The following SH3TC1 variants were observed in gnomAD, a reference collection of about 807,000 sequenced individuals.
The protein encoded by SH3TC1 is SH3 domain and tetratricopeptide repeats 1, also known as SH3 domain and tetratricopeptide repeat-containing protein 1.
SH3TC1 carries 135 observed loss-of-function variants against 117.3 expected under a neutral mutation model. The observed-to-expected ratio is 1.15, with a 90% CI of 1.00 to 1.33. SH3TC1 has a LOEUF of 1.33. Ranked by LOEUF, SH3TC1 falls within the 40% of genes most tolerant of loss-of-function variation. The pLI, the probability that SH3TC1 is intolerant of heterozygous loss-of-function variation, is 0.00. For synonymous variants in SH3TC1, 898 were observed against 816.9 expected, an observed-to-expected ratio of 1.10 and a Z score of -1.69; for missense variants, 2,092 against 1,794.3, an observed-to-expected ratio of 1.17 and a Z score of -3.00.
intron 5 of SH3TC1, chr4:8,215,221 T>G (rs546169834): frequency 2.2e-5 from 10 of 456,296 alleles, no homozygotes; most frequent in Admixed American, 9.4e-5. Context: ...CCGGGAAAGC[T>G]GTTATTTGAA....
At chr4:8,231,174 T>G (rs1721170814) in intron 12 of SH3TC1, 1 of 152,284 alleles carries the variant, frequency 6.6e-6, no homozygotes, top group Non-Finnish European at 1.5e-5. Flanking sequence ...GAGTGTGTCA[T>G]TTCCACATAT....
intron 10 of SH3TC1, among the ~76,000 whole-genome samples, chr4:8,223,806 G>A (rs1720178456): frequency 6.6e-6 from 1 of 152,000 alleles, no homozygotes; most frequent in African/African-American, 2.4e-5. Flanking sequence ...GATTAGTTTT[G>A]CATTTTTTTA....
Position 8,190,921 on chromosome 4 carries a change from C to T in SH3TC1, c.-57+8711C>T, listed in dbSNP as rs1170146944. ...CCTCCTAAAGTGCTAGGATTACAGG[C>T]GTAATCCACTGCGCCCAGCCCTGGC... On this transcript the variant is annotated intron_variant, in intron 1 of 16. Transcript: ENST00000508641. The surrounding 1 kb of genome is among the most constrained non-coding windows in gnomAD (Gnocchi z 4.7). Among the ~76,000 whole-genome samples the T allele has an allele frequency of 1.3e-5, 2 of 149,542 alleles. No homozygotes were observed. Among genetic ancestry groups the T allele is most frequent in the Non-Finnish European group, 3.0e-5 (2 of 66,712 alleles).
intron 1 of SH3TC1, among the ~76,000 whole-genome samples, chr4:8,204,613 T>A (rs935136050): frequency 1.3e-5 from 2 of 152,218 alleles, no homozygotes; most frequent in Admixed American, 1.3e-4. Context: ...AGCGCCTCTG[T>A]CTGAGGCCGG....
chr4:8,240,647 G>T (rs1216382703), intron 17 of SH3TC1, 51 bp from the exon 18 acceptor site: 2 of 1,608,068 alleles, frequency 1.2e-6, no homozygotes, highest in African/African-American at 2.7e-5. Flanking sequence ...CGGCCTCTGG[G>T]GAGACTGGCT....
chr4:8,194,851 G>A (rs899075356), upstream of SH3TC1, among the ~76,000 whole-genome samples: 6 of 152,156 alleles, frequency 3.9e-5, no homozygotes, highest in African/African-American at 1.2e-4. Flanking sequence ...CTTGCTTCCC[G>A]GGGTTTCCGG....
chr4:8,196,200 C>A (rs56773912), upstream of SH3TC1, among the ~76,000 whole-genome samples: 26,731 of 152,198 alleles, frequency 0.18, 3,150 homozygotes, highest in African/African-American at 0.32. This position sits in a 1 kb window ranked among gnomAD's most constrained non-coding sequence, Gnocchi z 4.6. Flanking sequence ...GACTCAGGGC[C>A]TGGCCACAGA....
At chr4:8,238,285 C>T (rs932165605) in intron 17 of SH3TC1, among the ~76,000 whole-genome samples, 1 of 152,176 alleles carries the variant, frequency 6.6e-6, no homozygotes, top group Non-Finnish European at 1.5e-5. Context: ...GGGCCCCAGA[C>T]AGCCAGGCTG....
intron 1 of SH3TC1, among the ~76,000 whole-genome samples, chr4:8,189,335 G>A (rs561287063): frequency 6.6e-6 from 1 of 152,394 alleles, no homozygotes; most frequent in East Asian, 1.9e-4. Flanking sequence ...GACAGATGAT[G>A]GCCCCAGTCC....
rs552909860 is a variant in SH3TC1 at position 8,191,955 on chromosome 4, T to TTACA, written c.-57+9747_-57+9750dup. Among the ~76,000 whole-genome samples the TTACA allele has an allele frequency of 4.8e-3, 689 of 143,456 alleles. 3 individuals are homozygous for TTACA. Among genetic ancestry groups the TTACA allele is most frequent in the Non-Finnish European group, 5.8e-3 (384 of 66,764 alleles). The allele number at this position is 143,456 out of a possible 152,430, so 94.1% of individuals were successfully genotyped here. A position where few individuals can be genotyped will look rare whatever the true frequency, so the allele number is the denominator to read the frequency against. On this transcript the variant is annotated intron_variant, in intron 1 of 16. Transcript: ENST00000508641. Reference sequence around the variant, plus strand: ...CCAGGGGCAGGAGCTGATCTCTGAGTTACATTTATTTATTTATTTATTTAT... The same window carrying TTACA: ...CCAGGGGCAGGAGCTGATCTCTGAGTTACATACATTTATTTATTTATTTATTTAT...
chr4:8,235,492 G>A lies in SH3TC1; in HGVS notation c.3342G>A (p.Glu1114=). Residue 1114 remains glutamate, a synonymous_variant, in exon 15 of 18, where the codon GAG becomes GAA. Coordinates refer to ENST00000245105, the MANE Select transcript of SH3TC1 (RefSeq NM_018986.5). ...CCAACCTGGGGCTGGAGCTGTTTGA[G>A]GCGGCTGGAGACATCTTCTTCGACG... is the stretch of plus-strand genomic sequence containing the variant. ...GDPNLGLELF[E]AAGDIFFDGA... is the part of the protein sequence containing the mutation. 6.2e-7 allele frequency: 1 copy of A among 1,606,172 alleles called. No individual in the cohort carries two copies. Among genetic ancestry groups the A allele is most frequent in the Non-Finnish European group, 8.5e-7 (1 of 1,175,504 alleles).
At position 8,225,323 on chromosome 4, in the gene SH3TC1, C is replaced by A; in HGVS notation, c.1285+107C>A. On this transcript the variant is annotated intron_variant, in intron 11 of 17. Transcript: ENST00000245105. The surrounding 1 kb of genome is among the most constrained non-coding windows in gnomAD (Gnocchi z 5.5). ...CACGGTGGGCATTGGGTGCGGCTGT[C>A]ACCCCTCTGTGGTGTGGGCTGGGGG... 7.9e-7 allele frequency: 1 copy of A among 1,267,260 alleles called. No individual in the cohort carries two copies. The highest frequency in any genetic ancestry group is 1.3e-5 in the South Asian group (1 of 76,658). 78.5% of individuals were successfully genotyped at this position (1,267,260 alleles called of 1,614,324 possible).
Position 8,222,884 on chromosome 4 carries a change from T to C in SH3TC1, c.1157T>C (p.Phe386Ser). 1 of 1,613,798 alleles carries C rather than the reference T, an allele frequency of 6.2e-7. No homozygotes were observed. The highest frequency in any genetic ancestry group is 8.5e-7 in the Non-Finnish European group (1 of 1,179,894). Reference protein sequence around the residue: ...IFLNEEEKSFFSEGCFSEEDA... With the variant: ...IFLNEEEKSFSSEGCFSEEDA... ...CTCAATGAGGAAGAAAAGTCATTCTTCAGCGAGGGCTGCTTTTCTGAGGAG... is the reference window on the plus strand; with the variant it reads ...CTCAATGAGGAAGAAAAGTCATTCTCCAGCGAGGGCTGCTTTTCTGAGGAG... The change falls in exon 10 of 18, where the codon TTC becomes TCC. Residue 386 changes from phenylalanine (F) to serine (S), a missense_variant. Coordinates refer to ENST00000245105, the MANE Select transcript of SH3TC1 (RefSeq NM_018986.5).
At chr4:8,189,287 C>T (rs905103446) in intron 1 of SH3TC1, among the ~76,000 whole-genome samples, 4 of 152,240 alleles carry the variant, frequency 2.6e-5, no homozygotes, top group African/African-American at 7.2e-5. Context: ...TGGAGGAGCC[C>T]GCAGTGCAGG....
At chr4:8,187,294 C>T (rs911423125) in intron 1 of SH3TC1, among the ~76,000 whole-genome samples, 1 of 150,710 alleles carries the variant, frequency 6.6e-6, no homozygotes, top group African/African-American at 2.5e-5. Flanking sequence ...CAGGCTTTGT[C>T]ATTGATGCTG....
chr4:8,228,329 A>T lies in SH3TC1; in HGVS notation c.2635A>T (p.Thr879Ser). ...VAVALKRTGR[T>S]RQAAESYYRA... ...CGTGGCTCTGAAGAGGACGGGCCGG[A>T]CGAGGCAGGCAGCTGAGAGCTACTA... The change falls in exon 12 of 18, where the codon ACG (threonine) becomes TCG (serine). Residue 879 changes from threonine to serine, a missense_variant. Physicochemically the swap from Thr to Ser is moderately conservative, Grantham distance 58. Coordinates refer to ENST00000245105, the MANE Select transcript of SH3TC1 (RefSeq NM_018986.5). 1 of 1,612,072 alleles carries T rather than the reference A, an allele frequency of 6.2e-7. No homozygotes were observed. The highest frequency in any genetic ancestry group is 8.5e-7 in the Non-Finnish European group (1 of 1,179,892).
At chr4:8,203,992 C>T (rs1460937888) in intron 1 of SH3TC1, among the ~76,000 whole-genome samples, 6 of 152,226 alleles carry the variant, frequency 3.9e-5, no homozygotes, top group Admixed American at 3.3e-4. Flanking sequence ...CTCGTGGGCC[C>T]ATCAGGGCTC....
chr4:8,208,459 C>T (rs1379120338), intron 2 of SH3TC1, among the ~76,000 whole-genome samples: 2 of 151,916 alleles, frequency 1.3e-5, no homozygotes, highest in East Asian at 1.9e-4. Context: ...CCTCCGCCTC[C>T]TGGGTTCAAG....
chr4:8,219,473 C>G lies in SH3TC1; in HGVS notation c.1055C>G (p.Ser352Trp). 1 of 1,603,268 alleles carries G rather than the reference C, an allele frequency of 6.2e-7. No individual in the cohort carries two copies. Among genetic ancestry groups the G allele is most frequent in the Non-Finnish European group, 8.5e-7 (1 of 1,173,856 alleles). Reference protein sequence around the residue: ...LPWCVGRHAASGRVGFVRSSL... With the variant: ...LPWCVGRHAAWGRVGFVRSSL... ...TGGTGCGTGGGCCGACACGCAGCCTCGGGCCGGGTGGGGTTTGTGCGGAGC... is the reference window on the plus strand; with the variant it reads ...TGGTGCGTGGGCCGACACGCAGCCTGGGGCCGGGTGGGGTTTGTGCGGAGC... The change falls in exon 9 of 18, where the codon TCG (serine) becomes TGG (tryptophan). Residue 352 changes from serine (S) to tryptophan (W), a missense_variant. By Grantham distance (177) the Ser-to-Trp change is radical (BLOSUM62 -3). Coordinates refer to ENST00000245105, the MANE Select transcript of SH3TC1 (RefSeq NM_018986.5).
Sources: gnomAD v4.1 joint callset for allele counts (sites outside exome capture counted in the v4.1 genomes callset) on GRCh38, gnomAD v4.1.1 for gene constraint, Gnocchi (gnomAD v3.1) non-coding constraint, MANE v1.5 for transcripts, NCBI Gene and HGNC (gene_info 2026-07-23, HGNC 2026-07-21) for gene names.